Variants in PARVB observed in about 807,000 individuals in gnomAD.
The protein encoded by PARVB is beta-parvin.
PARVB carries 46 observed loss-of-function variants against 47.0 expected under a neutral mutation model. The ratio of observed to expected loss-of-function variants is 0.98; its 90% CI spans 0.77 to 1.25. PARVB has a LOEUF of 1.25. PARVB is among the 50% of genes most tolerant of loss of function. The pLI is 0.00. For missense variants in PARVB, 473 were observed against 471.6 expected (o/e 1.00, Z -0.03); for synonymous variants, 196 against 196.3 (o/e 1.00, Z 0.01).
chr22:44,036,813 A>T (rs6006630), intron 1 of PARVB, among the ~76,000 whole-genome samples: 115,723 of 151,486 alleles, frequency 0.76, 44,716 homozygotes, highest in East Asian at 0.93. Flanking sequence ...ATTAAAAATT[A>T]AAAAAAAAAT....
Position 44,024,305 on chromosome 22 carries a change from C to T in PARVB, c.-35C>T, listed in dbSNP as rs1187821292. ...CCCGGGGCGACCGGGCGGCTCCACA[C>T]GCGCTGCGCCCGCCGCCGGCCCCAC... On this transcript the variant is annotated 5_prime_UTR_variant, in exon 1 of 13. The change creates a new upstream start codon in the 5' untranslated region. Coordinates refer to ENST00000338758, the MANE Select transcript of PARVB (RefSeq NM_013327.5). 1.0e-6 allele frequency: 1 copy of T among 996,554 alleles called. No individual in the cohort carries two copies. The highest frequency in any genetic ancestry group is 1.2e-6 in the Non-Finnish European group (1 of 837,196). The allele number at this position is 996,554 out of a possible 1,614,324, so 61.7% of individuals were successfully genotyped here.
At chr22:44,044,444 C>A (rs2051078732) in intron 1 of PARVB, among the ~76,000 whole-genome samples, 1 of 152,026 alleles carries the variant, frequency 6.6e-6, no homozygotes, top group African/African-American at 2.4e-5. Context: ...CCCGCCTAGG[C>A]CTCCCAAAGT....
chr22:44,035,786 C>CAA (rs2146905027), intron 1 of PARVB, among the ~76,000 whole-genome samples: 1 of 151,896 alleles, frequency 6.6e-6, no homozygotes. Context: ...CGTGGGAACC[C>CAA]AAACAGATCA....
At chr22:44,134,384 T>G (rs1290192585) in intron 6 of PARVB, among the ~76,000 whole-genome samples, 1 of 152,198 alleles carries the variant, frequency 6.6e-6, no homozygotes, top group Non-Finnish European at 1.5e-5. Flanking sequence ...CACATTGGGA[T>G]GTGGTTCCCA....
At chr22:44,054,632 C>T (rs936081945) in intron 1 of PARVB, among the ~76,000 whole-genome samples, 6 of 152,126 alleles carry the variant, frequency 3.9e-5, no homozygotes, top group African/African-American at 7.2e-5. Flanking sequence ...AAGAGTTTGG[C>T]GGATAACAGC....
intron 2 of PARVB, among the ~76,000 whole-genome samples, chr22:44,014,441 T>G (rs930085120): frequency 6.6e-6 from 1 of 152,210 alleles, no homozygotes; most frequent in Non-Finnish European, 1.5e-5. Context: ...ATAATCATTC[T>G]CCAAGTGTAC....
chr22:44,159,621 T>G (rs1021523484), intron 11 of PARVB, among the ~76,000 whole-genome samples: 27 of 152,234 alleles, frequency 1.8e-4, no homozygotes, highest in African/African-American at 6.3e-4. Context: ...GATGGGAGGC[T>G]GTCAGTAGTT....
intron 2 of PARVB, among the ~76,000 whole-genome samples, chr22:44,012,473 A>T (rs1356538629): frequency 2.0e-5 from 3 of 152,344 alleles, no homozygotes; most frequent in Admixed American, 6.5e-5. Flanking sequence ...TACTGTGAAC[A>T]TCGCAGGTTA....
chr22:44,097,281 G>A (rs2052331194), intron 2 of PARVB, among the ~76,000 whole-genome samples: 1 of 152,200 alleles, frequency 6.6e-6, no homozygotes, highest in African/African-American at 2.4e-5. Context: ...CTGGCCACCC[G>A]AAGACCTACC....
rs1569134276 is a variant in PARVB, at chr22:44,122,520, CAGAGAGACAGAG to C, written c.376+3388_376+3399del. Reference sequence around the variant, plus strand: ...AGAGAGAGAGAGAGAGAGAGAGAGACAGAGAGACAGAGAGAGAGAGAGAGAGAGAGAGACACA... The same window carrying C: ...AGAGAGAGAGAGAGAGAGAGAGAGACAGAGAGAGAGAGAGAGAGAGACACA... On this transcript the variant is annotated intron_variant, in intron 4 of 12. Coordinates refer to ENST00000338758, the MANE Select transcript of PARVB (RefSeq NM_013327.5). 2.1e-3 allele frequency among the ~76,000 whole-genome samples: 104 copies of C among 49,884 alleles called. 8 individuals are homozygous for C. Among genetic ancestry groups the C allele is most frequent in the African/African-American group, 7.1e-3 (98 of 13,808 alleles). The allele number at this position is 49,884 out of a possible 152,430, so 32.7% of individuals were successfully genotyped here.
At chr22:44,097,387 G>A (rs929606072) in intron 2 of PARVB, among the ~76,000 whole-genome samples, 18 of 152,280 alleles carry the variant, frequency 1.2e-4, no homozygotes, top group African/African-American at 3.6e-4. Context: ...CCTCTAGGCC[G>A]CGTGAGCAGC....
At chr22:44,064,409 A>G (rs59481133) in intron 1 of PARVB, among the ~76,000 whole-genome samples, 19,380 of 152,086 alleles carry the variant, frequency 0.13, 1,564 homozygotes, top group Middle Eastern at 0.22. Context: ...CGTTTGTTGA[A>G]GGGCCTGGCC....
intron 12 of PARVB, among the ~76,000 whole-genome samples, chr22:44,167,575 G>A (rs942927629): frequency 6.6e-5 from 10 of 151,996 alleles, no homozygotes; most frequent in African/African-American, 2.4e-4. Flanking sequence ...TGCCCCCCTC[G>A]CCTTGGCCAC....
At chr22:44,121,120 T>A (rs890669429) in intron 4 of PARVB, among the ~76,000 whole-genome samples, 3 of 152,090 alleles carry the variant, frequency 2.0e-5, no homozygotes, top group Non-Finnish European at 2.9e-5. Context: ...GGATTACAGG[T>A]GTGAGCCACT....
At chr22:44,047,709 T>A (rs542518759) in intron 1 of PARVB, among the ~76,000 whole-genome samples, 172 of 152,236 alleles carry the variant, frequency 1.1e-3, no homozygotes, top group Middle Eastern at 3.4e-3. Context: ...CTCTCACAGT[T>A]ATGGAAGCCA....
At chr22:44,034,293 A>G (rs2050878311) in intron 1 of PARVB, among the ~76,000 whole-genome samples, 1 of 123,576 alleles carries the variant, frequency 8.1e-6, no homozygotes, top group Admixed American at 7.5e-5. Context: ...GTGTCTTTAT[A>G]CATATATATG....
chr22:44,114,957 C>T lies in PARVB; in HGVS notation c.274-4081C>T, dbSNP rs1465653344. 20 of 111,812 alleles carry T rather than the reference C, an allele frequency of 1.8e-4. 3 individuals are homozygous for T. Among genetic ancestry groups the T allele is most frequent in the African/African-American group, 8.4e-4 (20 of 23,722 alleles). 6.9% of individuals were successfully genotyped at this position (111,812 alleles called of 1,614,324 possible). A position where few individuals can be genotyped will look rare whatever the true frequency, so the allele number is the denominator to read the frequency against. ...GTTACTAACTAAGGCCCTGCACCAA[C>T]ACAGATACGTTGTTACTAAGTAAGG... On this transcript the variant is annotated intron_variant, in intron 3 of 12. Coordinates refer to ENST00000338758, the MANE Select transcript of PARVB (RefSeq NM_013327.5).
chr22:44,036,631 T>C (rs1010865196), intron 1 of PARVB, among the ~76,000 whole-genome samples: 7 of 152,124 alleles, frequency 4.6e-5, no homozygotes, highest in African/African-American at 1.7e-4. Context: ...TCAACTGTAA[T>C]GTCTTTCAAA....
intron 1 of PARVB, among the ~76,000 whole-genome samples, chr22:44,027,106 G>C (rs130416): frequency 6.6e-6 from 1 of 152,050 alleles, no homozygotes; most frequent in East Asian, 1.9e-4. Flanking sequence ...GAACTGTGAC[G>C]AACTGTGGGC....
Sources: gnomAD v4.1 joint callset for allele counts (sites outside exome capture counted in the v4.1 genomes callset) on GRCh38, gnomAD v4.1.1 for gene constraint, MANE v1.5 for transcripts, NCBI Gene and HGNC (gene_info 2026-07-23, HGNC 2026-07-21) for gene names.